The following TTC6 variants were observed in gnomAD, a reference collection of about 807,000 sequenced individuals.
The protein encoded by TTC6 is tetratricopeptide repeat protein 6.
Under a neutral mutation model 210.4 loss-of-function variants are expected in TTC6, and 172 were observed. The observed-to-expected ratio is 0.82, with a 90% CI of 0.72 to 0.93. The LOEUF (loss-of-function observed/expected upper bound fraction) is 0.93. Among genes scored for constraint, TTC6 ranks in the 40% least tolerant of loss-of-function variants. The probability of loss-of-function intolerance (pLI) is 0.00; values close to 1 mark genes in which losing one functional copy is unlikely to be tolerated. For missense variants in TTC6, 2,414 were observed against 2,318.1 expected (o/e 1.04, Z -0.85); for synonymous variants, 804 against 819.6 (o/e 0.98, Z 0.32).
At chr14:37,653,036 T>C (rs2095715830) in intron 1 of TTC6, among the ~76,000 whole-genome samples, 1 of 152,238 alleles carries the variant, frequency 6.6e-6, no homozygotes, top group African/African-American at 2.4e-5. Flanking sequence ...CATTTAAATG[T>C]CTTCTTAAAA....
chr14:37,689,330 C>T (rs577822960), intron 3 of TTC6, among the ~76,000 whole-genome samples: 1 of 152,064 alleles, frequency 6.6e-6, no homozygotes, highest in South Asian at 2.1e-4. Context: ...ATAAAATAAT[C>T]TCAAAAGGGC....
intron 1 of TTC6, among the ~76,000 whole-genome samples, chr14:37,675,298 G>A (rs768681466): frequency 1.3e-5 from 2 of 152,046 alleles, no homozygotes; most frequent in African/African-American, 2.4e-5. Context: ...TATTCTGGAT[G>A]TTTCATATAA....
chr14:37,599,094 G>T (rs1475053272), intron 1 of TTC6, among the ~76,000 whole-genome samples: 2 of 152,206 alleles, frequency 1.3e-5, no homozygotes, highest in African/African-American at 4.8e-5. Flanking sequence ...GAAACAAGGG[G>T]TCACACGTGC....
intron 1 of TTC6, among the ~76,000 whole-genome samples, chr14:37,647,594 G>C (rs1294158280): frequency 1.3e-5 from 2 of 152,112 alleles, no homozygotes; most frequent in African/African-American, 4.8e-5. Context: ...GTTGATTTTA[G>C]ACATGTTAAG....
chr14:37,655,192 A>C (rs1226252513), intron 1 of TTC6, among the ~76,000 whole-genome samples: 2 of 152,160 alleles, frequency 1.3e-5, no homozygotes, highest in African/African-American at 4.8e-5. Context: ...GCCAAATACC[A>C]CCCTTGAATT....
intron 6 of TTC6, among the ~76,000 whole-genome samples, chr14:37,720,836 G>A (rs141275385): frequency 3.4e-3 from 522 of 152,172 alleles, no homozygotes; most frequent in Middle Eastern, 6.8e-3. Context: ...CAGGATGGGG[G>A]TTAGGATGAG....
chr14:37,738,422 C>G (rs2095907906), intron 9 of TTC6, among the ~76,000 whole-genome samples: 1 of 85,810 alleles, frequency 1.2e-5, no homozygotes, highest in South Asian at 4.3e-4. Context: ...CCCCTTCTAC[C>G]AGTTTTTTTG....
At chr14:37,713,803 AAC>A (rs2095848308) in intron 5 of TTC6, among the ~76,000 whole-genome samples, 1 of 152,158 alleles carries the variant, frequency 6.6e-6, no homozygotes, top group African/African-American at 2.4e-5. Flanking sequence ...TATATTATTA[AAC>A]AACTGAAATC....
intron 6 of TTC6, 22 bp downstream of exon 8, chr14:37,714,818 A>G (rs1181200049): frequency 1.3e-6 from 2 of 1,528,220 alleles, no homozygotes; most frequent in African/African-American, 2.8e-5. Context: ...CTTTAATATT[A>G]GTTTTTTTGT....
At chr14:37,711,213 A>G (rs528370505) in intron 5 of TTC6, among the ~76,000 whole-genome samples, 1 of 152,312 alleles carries the variant, frequency 6.6e-6, no homozygotes, top group South Asian at 2.1e-4. Flanking sequence ...CTCAGCCAAA[A>G]TTCAACAATA....
chr14:37,697,548 T>C (rs1163518011), intron 4 of TTC6, among the ~76,000 whole-genome samples: 2 of 152,156 alleles, frequency 1.3e-5, no homozygotes, highest in African/African-American at 4.8e-5. Flanking sequence ...GGGAACTAAC[T>C]GAAAGGTATG....
At chr14:37,757,494 C>T (rs776802905) in intron 14 of TTC6, among the ~76,000 whole-genome samples, 5 of 152,032 alleles carry the variant, frequency 3.3e-5, no homozygotes, top group Admixed American at 1.3e-4. Flanking sequence ...AGGATGATCT[C>T]GATCTCCTGA....
At chr14:37,831,735 C>T (rs932114327) in intron 29 of TTC6, among the ~76,000 whole-genome samples, 3 of 138,448 alleles carry the variant, frequency 2.2e-5, no homozygotes, top group African/African-American at 2.7e-5. Context: ...ATCTGTTGGC[C>T]GTCTGTTATG....
At chr14:37,735,212 A>G (rs2095898352) in intron 7 of TTC6, among the ~76,000 whole-genome samples, 1 of 152,194 alleles carries the variant, frequency 6.6e-6, no homozygotes, top group African/African-American at 2.4e-5. Context: ...TATTTTTAAA[A>G]TCTGACTTTT....
chr14:37,651,681 G>C (rs914076981), intron 1 of TTC6, among the ~76,000 whole-genome samples: 2 of 151,952 alleles, frequency 1.3e-5, no homozygotes, highest in Non-Finnish European at 2.9e-5. Flanking sequence ...AGCTACTTGG[G>C]AGGCTTGAGG....
chr14:37,725,032 T>C, intron 7 of TTC6, 30 bp downstream of exon 9: 1 of 1,194,920 alleles, frequency 8.4e-7, no homozygotes, highest in Non-Finnish European at 1.1e-6. Context: ...TTCTCTATTA[T>C]TGTTGTTGTT....
intron 1 of TTC6, among the ~76,000 whole-genome samples, chr14:37,602,917 C>T (rs762796989): frequency 7.2e-5 from 11 of 152,094 alleles, no homozygotes; most frequent in Admixed American, 2.6e-4. Context: ...GCCAAAATAC[C>T]TTCCATTGTG....
At position 37,615,803 on chromosome 14, in the gene TTC6, A is replaced by G. The variant is rs2095641787; in HGVS notation, c.-154-6247A>G. Among the ~76,000 whole-genome samples, 3 of 151,786 alleles carry G rather than the reference A, an allele frequency of 2.0e-5. No individual in the cohort carries two copies. In the South Asian group the frequency reaches 6.2e-4, roughly 32 times the overall value. On this transcript the variant is annotated intron_variant, in intron 2 of 2. Coordinates refer to the TTC6 transcript ENST00000556845. The stretch of plus-strand genomic sequence containing the variant: ...TCTCTAGCATATTTTCCTTTACTTG[A>G]TTGAGCATGGTTATAAGAGTTGCTT...
intron 5 of TTC6, among the ~76,000 whole-genome samples, chr14:37,702,570 A>G (rs1190712495): frequency 1.3e-5 from 2 of 152,190 alleles, no homozygotes; most frequent in Non-Finnish European, 2.9e-5. Context: ...AAAATACTGA[A>G]AAATGTACTG....
Sources: gnomAD v4.1 joint callset for allele counts (sites outside exome capture counted in the v4.1 genomes callset) on GRCh38, gnomAD v4.1.1 for gene constraint, MANE v1.5 for transcripts, NCBI Gene and HGNC (gene_info 2026-07-23, HGNC 2026-07-21) for gene names.